IL1RAPL1: variants seen among roughly 807,000 people sequenced by gnomAD.
IL1RAPL1 encodes the protein interleukin-1 receptor accessory protein-like 1.
A neutral mutation model predicts 48.4 loss-of-function variants in IL1RAPL1; 3 were observed. The observed-to-expected ratio is 0.06, with a 90% confidence interval of 0.03 to 0.16. IL1RAPL1 has a LOEUF of 0.16. Among genes scored for constraint, IL1RAPL1 ranks in the 10% least tolerant of loss-of-function variants. The pLI is 1.00. For missense variants in IL1RAPL1, 349 were observed against 530.6 expected (o/e 0.66, Z 3.36); for synonymous variants, 185 against 187.7 (o/e 0.99, Z 0.12).
chrX:29,484,368 T>A (rs1252334137), intron 5 of IL1RAPL1, among the ~76,000 whole-genome samples: 2 of 111,466 alleles, frequency 1.8e-5, no homozygotes, highest in Non-Finnish European at 1.9e-5. Flanking sequence ...GCTCACCCTT[T>A]TGACTTTATC....
Position 28,704,831 on chromosome X carries a change from C to CAA in IL1RAPL1, c.-24-84472_-24-84471dup, listed in dbSNP as rs1179973377. On this transcript the variant is annotated intron_variant, in intron 1 of 10. Coordinates refer to ENST00000378993, the MANE Select transcript of IL1RAPL1 (RefSeq NM_014271.4). ...ACACACACACACACACACACACACA[C>CAA]AAAAAAAAAAAAAAAAAACTGTGAC... 5.4e-3 allele frequency among the ~76,000 whole-genome samples: 159 copies of CAA among 29,586 alleles called. 7 individuals are homozygous for CAA. The highest frequency in any genetic ancestry group is 0.034 in the Middle Eastern group (1 of 29). The allele number at this position is 29,586 out of a possible 115,157, so 25.7% of individuals were successfully genotyped here.
chrX:29,337,369 G>A (rs1933010262), intron 3 of IL1RAPL1, among the ~76,000 whole-genome samples: 1 of 111,836 alleles, frequency 8.9e-6, no homozygotes, highest in Non-Finnish European at 1.9e-5. Context: ...AGAGATAAAA[G>A]AGTATACATT....
At chrX:29,482,000 A>C (rs1935046820) in intron 5 of IL1RAPL1, among the ~76,000 whole-genome samples, 1 of 112,009 alleles carries the variant, frequency 8.9e-6, no homozygotes, top group Admixed American at 9.5e-5. Flanking sequence ...TTTAAAAAAC[A>C]ACCGAGAATT....
intron 6 of IL1RAPL1, among the ~76,000 whole-genome samples, chrX:29,906,890 G>A (rs756717604): frequency 9.1e-6 from 1 of 109,977 alleles, no homozygotes; most frequent in Admixed American, 9.8e-5. Flanking sequence ...TAAATTTTTT[G>A]ACAATAAATT....
At chrX:29,772,143 C>T (rs746343465) in intron 6 of IL1RAPL1, among the ~76,000 whole-genome samples, 2 of 108,730 alleles carry the variant, frequency 1.8e-5, no homozygotes, top group Admixed American at 9.9e-5. Context: ...CACCTGTACT[C>T]GGGAGACTGA....
At chrX:29,775,474 T>C (rs1008783270) in intron 6 of IL1RAPL1, among the ~76,000 whole-genome samples, 2 of 111,655 alleles carry the variant, frequency 1.8e-5, no homozygotes, top group African/African-American at 6.5e-5. Context: ...TCACTCACTA[T>C]TTACTGAACA....
At chrX:28,617,314 C>T (rs1432119172) in intron 1 of IL1RAPL1, among the ~76,000 whole-genome samples, 1 of 111,391 alleles carries the variant, frequency 9.0e-6, no homozygotes, top group Non-Finnish European at 1.9e-5. Context: ...AAGAGGCTGT[C>T]ATTGACAAGT....
intron 5 of IL1RAPL1, among the ~76,000 whole-genome samples, chrX:29,566,765 T>C (rs1385975068): frequency 1.8e-5 from 2 of 112,427 alleles, no homozygotes; most frequent in Non-Finnish European, 3.8e-5. Context: ...AGGTTATTAA[T>C]ATTATTTCTT....
intron 3 of IL1RAPL1, among the ~76,000 whole-genome samples, chrX:29,295,068 T>A (rs937490473): frequency 1.8e-5 from 2 of 111,470 alleles, no homozygotes; most frequent in African/African-American, 6.5e-5. Context: ...GGGGGGCCTA[T>A]GTTTAGAGTA....
At chrX:28,684,298 AG>A (rs1935090703) in intron 1 of IL1RAPL1, among the ~76,000 whole-genome samples, 1 of 112,045 alleles carries the variant, frequency 8.9e-6, no homozygotes, top group Non-Finnish European at 1.9e-5. Flanking sequence ...CAGAACAAAT[AG>A]TGGTCTTGGC....
At chrX:29,244,386 G>A (rs1025367024) in intron 2 of IL1RAPL1, among the ~76,000 whole-genome samples, 1 of 112,189 alleles carries the variant, frequency 8.9e-6, no homozygotes, top group Non-Finnish European at 1.9e-5. Context: ...AAAGGTATTC[G>A]TTCTTGGCAT....
At chrX:29,527,667 A>G (rs61275884) in intron 5 of IL1RAPL1, among the ~76,000 whole-genome samples, 7,977 of 110,796 alleles carry the variant, frequency 0.072, 492 homozygotes, top group African/African-American at 0.2. Context: ...AAATGCCACA[A>G]ATAAAAAGAT....
In IL1RAPL1 at chrX:29,878,540, TTTCTGA is replaced by T. The variant is rs1931958266; in HGVS notation, c.779-38919_779-38914del. ...CTTTTCTGAAGTCTATTCATCAGAT[TTTCTGA>T]TTCTTAGTGAGGACTTACTTAGGAT... On this transcript the variant is annotated intron_variant, in intron 6 of 10. Transcript: ENST00000378993. Among the ~76,000 whole-genome samples, 2 of 112,327 alleles carry T rather than the reference TTTCTGA, an allele frequency of 1.8e-5. 1 individual carries two copies. Among genetic ancestry groups the T allele is most frequent in the South Asian group, 7.2e-4 (2 of 2,778 alleles).
intron 2 of IL1RAPL1, among the ~76,000 whole-genome samples, chrX:29,041,988 A>G (rs922314883): frequency 2.4e-4 from 27 of 111,808 alleles, no homozygotes; most frequent in African/African-American, 3.6e-4. Context: ...CGAGTTTACA[A>G]TGTCTTCCTG....
chrX:29,837,258 C>CAAAAAAA (rs34032700), intron 6 of IL1RAPL1, among the ~76,000 whole-genome samples: 23 of 30,017 alleles, frequency 7.7e-4, no homozygotes, highest in African/African-American at 4.3e-3. Context: ...GACTGCATCT[C>CAAAAAAA]AAAAAAAAAA....
chrX:28,779,231 G>T (rs1038045554), intron 1 of IL1RAPL1, among the ~76,000 whole-genome samples: 4 of 110,936 alleles, frequency 3.6e-5, no homozygotes, highest in African/African-American at 1.3e-4. Flanking sequence ...TGATTCCATT[G>T]TTTTTAATGA....
intron 2 of IL1RAPL1, among the ~76,000 whole-genome samples, chrX:28,810,018 A>G (rs1936774971): frequency 9.2e-6 from 1 of 109,158 alleles, no homozygotes; most frequent in Admixed American, 1.0e-4. Context: ...AAGTTTTATG[A>G]GTAACTGTAT....
Position 28,681,162 on chromosome X carries a change from AATTT to A in IL1RAPL1, c.-25+93122_-25+93125del, listed in dbSNP as rs754101797. Among the ~76,000 whole-genome samples, 142 of 110,934 alleles carry A rather than the reference AATTT, an allele frequency of 1.3e-3. 3 individuals carry two copies. In the East Asian group the frequency reaches 0.035, roughly 28 times the overall value. On this transcript the variant is annotated intron_variant, in intron 1 of 10. Transcript: ENST00000378993. ...TCTTGTTAGGTTGTAGGTATTCAAG[AATTT>A]ATTTATGTTCTCTAGGTTATCTAGT...
At chrX:28,607,241 G>A (rs1934093629) in intron 1 of IL1RAPL1, among the ~76,000 whole-genome samples, 1 of 110,004 alleles carries the variant, frequency 9.1e-6, no homozygotes, top group South Asian at 3.9e-4. Flanking sequence ...GACAGAATGT[G>A]CCCATAGTTT....
Sources: allele counts gnomAD v4.1 joint callset (sites outside exome capture counted in the v4.1 genomes callset), GRCh38; gene constraint gnomAD v4.1.1; transcripts MANE v1.5; gene names NCBI Gene and HGNC (gene_info 2026-07-23, HGNC 2026-07-21).